Variants in ATG10 observed in about 807,000 individuals in gnomAD.
The protein encoded by ATG10 is autophagy related 10.
Under a neutral mutation model 32.1 loss-of-function variants are expected in ATG10, and 30 were observed. The ratio of observed to expected loss-of-function variants is 0.94; its 90% confidence interval spans 0.70 to 1.27. The LOEUF is 1.27. Among genes scored for constraint, ATG10 ranks in the 50% most tolerant of loss-of-function variants. ATG10 has a pLI of 0.00. For missense variants in ATG10, 233 were observed against 262.3 expected (o/e 0.89, Z 0.77); for synonymous variants, 87 against 91.5 (o/e 0.95, Z 0.28).
chr5:82,128,763 C>T lies in ATG10; in HGVS notation c.217-35636C>T, dbSNP rs1045625610. Among the ~76,000 whole-genome samples, 31 of 147,704 alleles carry T rather than the reference C, an allele frequency of 2.1e-4. 1 individual carries two copies. The highest frequency in any genetic ancestry group is 1.0e-3 in the East Asian group (5 of 4,766). On this transcript the variant is annotated intron_variant, in intron 3 of 7. Transcript: ENST00000282185. Reference sequence around the variant, plus strand: ...GATGGGCTTCCCTTTGTGGGTAACCCGACCTTTCTCTCTGGCTGCCCTTAA... The same window carrying T: ...GATGGGCTTCCCTTTGTGGGTAACCTGACCTTTCTCTCTGGCTGCCCTTAA...
At chr5:82,151,278 C>T (rs911618813) in intron 3 of ATG10, among the ~76,000 whole-genome samples, 2 of 152,098 alleles carry the variant, frequency 1.3e-5, no homozygotes, top group Non-Finnish European at 2.9e-5. Flanking sequence ...TCTTGAACTC[C>T]TGGCTTTAAG....
chr5:82,186,753 T>C (rs991437787), intron 5 of ATG10, among the ~76,000 whole-genome samples: 2 of 151,974 alleles, frequency 1.3e-5, no homozygotes, highest in Admixed American at 1.3e-4. Flanking sequence ...CCACCATGCG[T>C]GTATTTTTAG....
chr5:82,214,041 G>A (rs561005610), intron 5 of ATG10, among the ~76,000 whole-genome samples: 18 of 152,240 alleles, frequency 1.2e-4, no homozygotes, highest in Admixed American at 9.2e-4. Context: ...CTGCCTCACC[G>A]TCATGTCCAT....
chr5:82,220,376 C>T (rs1356677031), intron 5 of ATG10, among the ~76,000 whole-genome samples: 17 of 151,820 alleles, frequency 1.1e-4, no homozygotes, highest in Non-Finnish European at 1.8e-4. Flanking sequence ...CATTCTCCTG[C>T]CTCAGCCTCC....
intron 3 of ATG10, among the ~76,000 whole-genome samples, chr5:82,083,468 C>A (rs75484564): frequency 6.6e-6 from 1 of 152,222 alleles, no homozygotes; most frequent in African/African-American, 2.4e-5. Flanking sequence ...TGTCTGACAG[C>A]TTTGAAGAGA....
In ATG10 at chr5:82,041,767, G is replaced by T. The variant is rs753199656; in HGVS notation, c.109-16728G>T. 1.3e-5 allele frequency among the ~76,000 whole-genome samples: 2 copies of T among 151,750 alleles called. 1 individual carries two copies. The highest frequency in any genetic ancestry group is 4.1e-4 in the South Asian group (2 of 4,820). ...TTACATGTTTTTTTAGGCCACTTAT[G>T]TCTCACAGCTCACTATGCTCTATTG... On this transcript the variant is annotated intron_variant, in intron 2 of 7. Coordinates refer to ENST00000282185, the MANE Select transcript of ATG10 (RefSeq NM_031482.5).
At chr5:82,120,652 TTTTTCTG>T (rs1252794892) in intron 3 of ATG10, among the ~76,000 whole-genome samples, 2 of 151,592 alleles carry the variant, frequency 1.3e-5, no homozygotes, top group African/African-American at 4.9e-5. Context: ...TCCTTTTACT[TTTTTCTG>T]TTTTTTTTTT....
Position 82,070,019 on chromosome 5 carries a change from A to G in ATG10, c.216+11417A>G, listed in dbSNP as rs528920522. Among the ~76,000 whole-genome samples the G allele has an allele frequency of 1.1e-3, 175 of 152,296 alleles. 2 individuals are homozygous for G. The highest frequency in any genetic ancestry group is 2.2e-3 in the Admixed American group (34 of 15,272). On this transcript the variant is annotated intron_variant, in intron 3 of 7. Coordinates refer to ENST00000282185, the MANE Select transcript of ATG10 (RefSeq NM_031482.5). ...TTTGGATTGTTTGCTCTTAGCAAGT[A>G]TAAGTCTTACGTATTTGTGATAAGC...
intron 5 of ATG10, among the ~76,000 whole-genome samples, chr5:82,192,725 A>G (rs1744709867): frequency 6.6e-6 from 1 of 152,200 alleles, no homozygotes; most frequent in South Asian, 2.1e-4. Flanking sequence ...TAATCCATAA[A>G]TATCATGGAA....
rs200908206 is a variant in ATG10, at chr5:82,025,353, G to C, written c.109-33142G>C. Among the ~76,000 whole-genome samples the C allele has an allele frequency of 3.9e-5, 6 of 152,294 alleles. No homozygotes were observed. The East Asian group carries it at 1.2e-3, about 29-fold the overall frequency. Reference sequence around the variant, plus strand: ...TGCTTCTGTTAAGGCTGCTTATGATGCATTAGCTTTTTTGTAGCTACTCTA... The same window carrying C: ...TGCTTCTGTTAAGGCTGCTTATGATCCATTAGCTTTTTTGTAGCTACTCTA... On this transcript the variant is annotated intron_variant, in intron 2 of 7. Transcript: ENST00000282185.
chr5:81,987,714 A>G, intron 2 of ATG10, 36 bp downstream of exon 2: 1 of 1,530,222 alleles, frequency 6.5e-7, no homozygotes, highest in Non-Finnish European at 8.9e-7. Context: ...GTCTCAAAAG[A>G]GGATTTTTTG....
rs1166232213 is a variant in ATG10 at position 82,120,177 on chromosome 5, T to G, written c.217-44222T>G. Among the ~76,000 whole-genome samples the G allele has an allele frequency of 4.6e-5, 7 of 152,206 alleles. No homozygotes were observed. In the East Asian group the frequency reaches 1.3e-3, roughly 29 times the overall value. On this transcript the variant is annotated intron_variant, in intron 3 of 7. Coordinates refer to ENST00000282185, the MANE Select transcript of ATG10 (RefSeq NM_031482.5). ...GATCAGTAAATTTGGGTTGAAAGAT[T>G]GTTATTGACAGTATTTCTAATATAA...
chr5:82,113,839 AG>A (rs1253335635), intron 3 of ATG10, among the ~76,000 whole-genome samples: 1 of 151,870 alleles, frequency 6.6e-6, no homozygotes, highest in African/African-American at 2.4e-5. Context: ...TTTTCCCTTA[AG>A]GTACTCACTT....
At chr5:81,980,527 T>C (rs1379021448) in intron 1 of ATG10, among the ~76,000 whole-genome samples, 1 of 152,200 alleles carries the variant, frequency 6.6e-6, no homozygotes, top group Non-Finnish European at 1.5e-5. Flanking sequence ...TACAACGAAA[T>C]TTATGAAGGA....
At chr5:82,046,824 A>G (rs1357404522) in intron 2 of ATG10, among the ~76,000 whole-genome samples, 1 of 152,220 alleles carries the variant, frequency 6.6e-6, no homozygotes, top group Non-Finnish European at 1.5e-5. Context: ...TTTCCATTTA[A>G]TAAAATATAA....
intron 3 of ATG10, among the ~76,000 whole-genome samples, chr5:82,115,180 C>T (rs778939013): frequency 4.6e-5 from 7 of 151,802 alleles, no homozygotes; most frequent in African/African-American, 9.7e-5. Context: ...AAGAAATCAA[C>T]GATGAAAAGT....
At chr5:82,153,662 T>C (rs1767693632) in intron 3 of ATG10, among the ~76,000 whole-genome samples, 1 of 152,144 alleles carries the variant, frequency 6.6e-6, no homozygotes, top group Non-Finnish European at 1.5e-5. Context: ...TGAATGAAGC[T>C]GAAAAAGAAA....
chr5:82,058,349 G>T (rs1763666532), intron 2 of ATG10, 146 bp from the exon 3 acceptor site: 1 of 592,094 alleles, frequency 1.7e-6, no homozygotes, highest in Non-Finnish European at 3.1e-6. Flanking sequence ...ACAGGGTGTT[G>T]GACTAGTCTC....
At chr5:82,099,129 G>A (rs1303345524) in intron 3 of ATG10, among the ~76,000 whole-genome samples, 1 of 152,018 alleles carries the variant, frequency 6.6e-6, no homozygotes, top group Admixed American at 6.6e-5. Context: ...ATTATTCATT[G>A]TAAAAGATAC....
Sources: gnomAD v4.1 joint callset for allele counts (sites outside exome capture counted in the v4.1 genomes callset) on GRCh38, gnomAD v4.1.1 for gene constraint, MANE v1.5 for transcripts, NCBI Gene and HGNC (gene_info 2026-07-23, HGNC 2026-07-21) for gene names.